Variants in C9orf50 observed in about 807,000 individuals in gnomAD.
The protein encoded by C9orf50 is chromosome 9 open reading frame 50, also known as uncharacterized protein C9orf50.
C9orf50 carries 33 observed loss-of-function variants against 42.5 expected under a neutral mutation model. The observed-to-expected ratio is 0.78, with a 90% confidence interval of 0.59 to 1.04. The LOEUF is 1.04. Ranked by LOEUF, C9orf50 falls within the 50% of genes least tolerant of loss-of-function variation. The probability of loss-of-function intolerance (pLI) is 0.00; values close to 1 mark genes in which losing one functional copy is unlikely to be tolerated. For missense variants in C9orf50, 547 were observed against 594.3 expected (o/e 0.92, Z 0.83); for synonymous variants, 257 against 273.4 (o/e 0.94, Z 0.59).
Position 129,613,516 on chromosome 9 carries a change from A to G in C9orf50, c.962T>C (p.Leu321Pro). Residue 321 changes from leucine to proline, a missense_variant, in exon 5 of 7, where the codon CTG becomes CCG. This residue lies in a region of C9orf50 where 334 missense variants were observed against 323.7 expected (regional missense o/e 1.03). Coordinates refer to ENST00000372478, the Ensembl canonical transcript of C9orf50. This position sits in a 1 kb window ranked among gnomAD's most constrained non-coding sequence, Gnocchi z 6.2. ...GTACAGGGCTTTGGGCAAACTCTCC[A>G]GCCGTTTTCCGACACTCCCAAACAC... 1 of 1,614,138 alleles carries G rather than the reference A, an allele frequency of 6.2e-7. No individual in the cohort carries two copies. The highest frequency in any genetic ancestry group is 1.1e-5 in the South Asian group (1 of 91,084).
In C9orf50 at chr9:129,614,692, C is replaced by T. The variant is rs1293234208; in HGVS notation, c.880+792G>A. The stretch of plus-strand genomic sequence containing the variant: ...GCAGAGGCAGGTGGATCCCTGAGGT[C>T]AGGAGTTCGAGACCACCCTGGTCAA... On this transcript the variant is annotated intron_variant, in intron 4 of 6. Transcript: ENST00000372478. The surrounding 1 kb of genome is among the most constrained non-coding windows in gnomAD (Gnocchi z 4.4). Among the ~76,000 whole-genome samples, 1 of 152,142 alleles carries T rather than the reference C, an allele frequency of 6.6e-6. No homozygotes were observed. Among genetic ancestry groups the T allele is most frequent in the African/African-American group, 2.4e-5 (1 of 41,432 alleles).
In C9orf50 at chr9:129,613,608, G is replaced by C. The variant is rs368683634; in HGVS notation, c.881-11C>G. On this transcript the variant is annotated splice_polypyrimidine_tract_variant and intron_variant, in intron 4 of 6. Coordinates refer to ENST00000372478, the Ensembl canonical transcript of C9orf50. This position sits in a 1 kb window ranked among gnomAD's most constrained non-coding sequence, Gnocchi z 6.2. ...TGACGCTCTGTTGGACTGCAGGAAA[G>C]AGGGCAGGGTGAGATCTCTGCCCAG... 3 of 1,613,916 alleles carry C rather than the reference G, an allele frequency of 1.9e-6. No homozygotes were observed. In the African/African-American group the frequency reaches 4.0e-5, roughly 22 times the overall value.
rs1273240836 is a variant in C9orf50, at chr9:129,620,056, C to T, written c.508+11G>A. On this transcript the variant is annotated intron_variant, in intron 1 of 6. Transcript: ENST00000372478. This position sits in a 1 kb window ranked among gnomAD's most constrained non-coding sequence, Gnocchi z 5.8. ...ACTCGGGCCCGCCCCCCGGGCCCCG[C>T]GGGGCCTCACTCAGTGGCTCCGGCT... The T allele has an allele frequency of 6.9e-6, 10 of 1,453,956 alleles. No homozygotes were observed. The highest frequency in any genetic ancestry group is 5.6e-5 in the Admixed American group (2 of 35,486). 90.1% of individuals were successfully genotyped at this position (1,453,956 alleles called of 1,614,324 possible).
At position 129,613,396 on chromosome 9, in the gene C9orf50, C is replaced by A; in HGVS notation, c.1043+39G>T. 6.2e-7 allele frequency: 1 copy of A among 1,604,398 alleles called. No individual in the cohort carries two copies. The highest frequency in any genetic ancestry group is 8.5e-7 in the Non-Finnish European group (1 of 1,173,734). On this transcript the variant is annotated intron_variant, in intron 5 of 6. Transcript: ENST00000372478. This position sits in a 1 kb window ranked among gnomAD's most constrained non-coding sequence, Gnocchi z 6.2. ...AGGCAAGGGGGGTGGAGGGCCCTGGCAATGTCCACGAGTCCCATCCGCTTC... is the reference window on the plus strand; with the variant it reads ...AGGCAAGGGGGGTGGAGGGCCCTGGAAATGTCCACGAGTCCCATCCGCTTC...
At chr9:129,617,045 G>A (rs1231367787) in intron 3 of C9orf50, among the ~76,000 whole-genome samples, 1 of 151,812 alleles carries the variant, frequency 6.6e-6, no homozygotes, top group African/African-American at 2.4e-5. Context: ...CCAGCCTAGG[G>A]ACGGAGTGAG....
intron 3 of C9orf50, among the ~76,000 whole-genome samples, chr9:129,618,889 T>C (rs1830528326): frequency 6.8e-6 from 1 of 147,018 alleles, no homozygotes; most frequent in Non-Finnish European, 1.5e-5. Context: ...TTTTTTTGTA[T>C]ATTTTTAGTA....
At chr9:129,621,051 C>T (rs770940269), upstream of C9orf50, among the ~76,000 whole-genome samples, 21 of 152,266 alleles carry the variant, frequency 1.4e-4, no homozygotes, top group Non-Finnish European at 2.5e-4. Context: ...AATAGCAGCA[C>T]CTGCCTCTCT....
chr9:129,615,672 G>A (rs771624750), intron 3 of C9orf50, 25 bp from the exon 4 acceptor site: 1 of 1,505,174 alleles, frequency 6.6e-7, no homozygotes, highest in Non-Finnish European at 8.8e-7. Context: ...AGGGGCCTGT[G>A]CTCGAAGCCC....
chr9:129,620,691 G>T lies in C9orf50; in HGVS notation c.-117C>A. 1 of 998,256 alleles carries T rather than the reference G, an allele frequency of 1.0e-6. No individual in the cohort carries two copies. The highest frequency in any genetic ancestry group is 1.3e-6 in the Non-Finnish European group (1 of 775,294). The allele number at this position is 998,256 out of a possible 1,614,324, so 61.8% of individuals were successfully genotyped here. A position where few individuals can be genotyped will look rare whatever the true frequency, so the allele number is the denominator to read the frequency against. ...ATAGTGCCCCGGGCGGGGCAGCGCG[G>T]TGCGGGGTGAACGCCACCGGCCCGG... is the stretch of plus-strand genomic sequence containing the variant. On this transcript the variant is annotated 5_prime_UTR_variant, in exon 1 of 7. Coordinates refer to ENST00000372478, the Ensembl canonical transcript of C9orf50. This position sits in a 1 kb window ranked among gnomAD's most constrained non-coding sequence, Gnocchi z 5.8.
intron 4 of C9orf50, among the ~76,000 whole-genome samples, 177 bp downstream of exon 4, chr9:129,615,307 C>T (rs766024837): frequency 5.3e-5 from 8 of 152,208 alleles, no homozygotes; most frequent in Non-Finnish European, 8.8e-5. Flanking sequence ...ACTTGGTCTT[C>T]GAAGGTCAAC....
At chr9:129,615,533 G>C (rs749918326) in exon 4 of C9orf50, 23 of 1,610,794 alleles carry the variant, frequency 1.4e-5, no homozygotes, top group Admixed American at 3.3e-5. Context: ...GCAGGGTCTC[G>C]TCAGCGAATC....
Position 129,620,014 on chromosome 9 carries a change from A to T in C9orf50, c.508+53T>A. The T allele has an allele frequency of 6.9e-7, 1 of 1,448,668 alleles. No homozygotes were observed. The highest frequency in any genetic ancestry group is 9.1e-7 in the Non-Finnish European group (1 of 1,093,854). 89.7% of individuals were successfully genotyped at this position (1,448,668 alleles called of 1,614,324 possible). A position where few individuals can be genotyped will look rare whatever the true frequency, so the allele number is the denominator to read the frequency against. On this transcript the variant is annotated intron_variant, in intron 1 of 6. Transcript: ENST00000372478. This position sits in a 1 kb window ranked among gnomAD's most constrained non-coding sequence, Gnocchi z 5.8. ...GGTGGGTGCGGGGACACAAGGGACC[A>T]CCCCCCACCGGAAATGACTCGGGCC...
intron 3 of C9orf50, among the ~76,000 whole-genome samples, chr9:129,616,728 C>G (rs1830408094): frequency 6.6e-6 from 1 of 152,158 alleles, no homozygotes; most frequent in African/African-American, 2.4e-5. Context: ...TGGCCTTAAT[C>G]AAGGGTATCT....
At position 129,620,518 on chromosome 9, in the gene C9orf50, A is replaced by G; in HGVS notation, c.57T>C (p.Pro19=). ...TGCTGCGTCGGAAGTCTCCGTCGCC[A>G]GGGAGCCCCTTGGGCGCCAGGTCCT... is the stretch of plus-strand genomic sequence containing the variant. Residue 19 remains proline (P), a synonymous_variant, in exon 1 of 7, where the codon CCT becomes CCC. Transcript: ENST00000372478. The surrounding 1 kb of genome is among the most constrained non-coding windows in gnomAD (Gnocchi z 5.8). The G allele has an allele frequency of 6.9e-7, 1 of 1,444,828 alleles. No individual in the cohort carries two copies. The highest frequency in any genetic ancestry group is 9.1e-7 in the Non-Finnish European group (1 of 1,096,858). The allele number at this position is 1,444,828 out of a possible 1,614,324, so 89.5% of individuals were successfully genotyped here. A position where few individuals can be genotyped will look rare whatever the true frequency, so the allele number is the denominator to read the frequency against.
exon 4 of C9orf50, chr9:129,615,519 T>A: frequency 6.2e-7 from 1 of 1,610,372 alleles, no homozygotes. Context: ...GAGCGTTGTG[T>A]CCTGCAGGGT....
At chr9:129,621,908 C>G (rs536203911), upstream of C9orf50, among the ~76,000 whole-genome samples, 81 of 152,330 alleles carry the variant, frequency 5.3e-4, no homozygotes, top group African/African-American at 1.9e-3. Flanking sequence ...AGCCCATCAT[C>G]CCTGCCTGGT....
chr9:129,612,975 C>T, intron 6 of C9orf50, 132 bp downstream of exon 6: 1 of 1,178,298 alleles, frequency 8.5e-7, no homozygotes, highest in South Asian at 1.4e-5. Context: ...CTGCAAGCCC[C>T]CACGGTGACT....
intron 2 of C9orf50, 43 bp downstream of exon 2, chr9:129,619,697 C>T: frequency 1.2e-6 from 2 of 1,612,364 alleles, no homozygotes; most frequent in Admixed American, 1.7e-5. Flanking sequence ...CTGGAAACAT[C>T]GATGGCAACC....
At chr9:129,621,146 A>G (rs1368751822), upstream of C9orf50, among the ~76,000 whole-genome samples, 2 of 152,200 alleles carry the variant, frequency 1.3e-5, no homozygotes, top group Admixed American at 6.5e-5. Flanking sequence ...TGGAACTGTT[A>G]CCGTCATTAG....
Sources: gnomAD v4.1 joint callset for allele counts (sites outside exome capture counted in the v4.1 genomes callset) on GRCh38, gnomAD v4.1.1 for gene constraint, gnomAD v4.1.1 regional missense constraint, Gnocchi (gnomAD v3.1) non-coding constraint, MANE v1.5 for transcripts, NCBI Gene and HGNC (gene_info 2026-07-23, HGNC 2026-07-21) for gene names.